KLF12: variants seen among roughly 807,000 people sequenced by gnomAD.
The protein encoded by KLF12 is KLF transcription factor 12, also known as Krueppel-like factor 12.
Under a neutral mutation model 37.8 loss-of-function variants are expected in KLF12, and 9 were observed. That is an observed-to-expected ratio of 0.24 (90% CI 0.14 to 0.42). The LOEUF (loss-of-function observed/expected upper bound fraction) is 0.42. KLF12 is among the 10% of genes least tolerant of loss of function. The pLI is 1.00. For synonymous variants in KLF12, 208 were observed against 202.1 expected, an observed-to-expected ratio of 1.03 and a Z score of -0.25; for missense variants, 411 against 516.0, an observed-to-expected ratio of 0.80 and a Z score of 1.97.
At chr13:73,883,906 C>T (rs1236290140) in intron 3 of KLF12, among the ~76,000 whole-genome samples, 1 of 152,128 alleles carries the variant, frequency 6.6e-6, no homozygotes, top group Admixed American at 6.5e-5. Context: ...CTGCCATGAA[C>T]TCTGATAAAA....
chr13:74,226,533 G>A, the KLF12 span, among the ~76,000 whole-genome samples: 1 of 152,080 alleles, frequency 6.6e-6, no homozygotes, highest in Admixed American at 6.6e-5. Flanking sequence ...GAAAGACAAG[G>A]GATGGAGTTT....
At chr13:74,255,851 T>C in the KLF12 span, among the ~76,000 whole-genome samples, 1 of 152,170 alleles carries the variant, frequency 6.6e-6, no homozygotes, top group Admixed American at 6.5e-5. Flanking sequence ...TGACATCTAC[T>C]ACCTTAAAGA....
intron 1 of KLF12, among the ~76,000 whole-genome samples, chr13:74,066,725 C>G (rs1873938179): frequency 6.6e-6 from 1 of 152,066 alleles, no homozygotes; most frequent in Admixed American, 6.6e-5. Context: ...GAATATATAT[C>G]TCTTCCTGGA....
At position 73,907,044 on chromosome 13, in the gene KLF12, A is replaced by G. The variant is rs571901124; in HGVS notation, c.123+36937T>C. On this transcript the variant is annotated intron_variant, in intron 3 of 7. Transcript: ENST00000377669. ...TTTTGGTAAGGGGGACAGTAGAAGC[A>G]CATTTCTTCTAAGAGATTTTCCACT... is the stretch of plus-strand genomic sequence containing the variant. Among the ~76,000 whole-genome samples, 56 of 152,344 alleles carry G rather than the reference A, an allele frequency of 3.7e-4. 1 individual carries two copies. The South Asian group carries it at 0.011, about 30-fold the overall frequency.
chr13:74,219,131 AT>A, the KLF12 span, among the ~76,000 whole-genome samples: 1 of 151,952 alleles, frequency 6.6e-6, no homozygotes, highest in Non-Finnish European at 1.5e-5. Flanking sequence ...TAATTTGTGT[AT>A]TTTTGTAGAG....
At chr13:73,737,700 C>T (rs994777471) in intron 6 of KLF12, among the ~76,000 whole-genome samples, 3 of 152,066 alleles carry the variant, frequency 2.0e-5, no homozygotes, top group East Asian at 1.9e-4. Flanking sequence ...TTTCTAATCC[C>T]ATGCATGAAT....
chr13:74,027,399 T>C (rs1048519579), intron 1 of KLF12, among the ~76,000 whole-genome samples: 1 of 152,192 alleles, frequency 6.6e-6, no homozygotes. Flanking sequence ...TCAACATGCA[T>C]ACATTTTGTC....
At chr13:74,051,609 A>G (rs565796684) in intron 1 of KLF12, among the ~76,000 whole-genome samples, 157 of 152,200 alleles carry the variant, frequency 1.0e-3, no homozygotes, top group Middle Eastern at 3.4e-3. Context: ...AACAGACTCA[A>G]CCATGTACAT....
rs192242837 is a variant in KLF12 at position 73,806,142 on chromosome 13, C to T, written c.806+7010G>A. Among the ~76,000 whole-genome samples the T allele has an allele frequency of 2.0e-3, 285 of 142,478 alleles. 1 individual carries two copies. Among genetic ancestry groups the T allele is most frequent in the Non-Finnish European group, 3.5e-3 (234 of 66,104 alleles). 93.5% of individuals were successfully genotyped at this position (142,478 alleles called of 152,430 possible). ...TTTTTTTTTTTTTGAGATAAAGTCT[C>T]ACTCTTGTTGCCCAGGCTGGAGTGC... On this transcript the variant is annotated intron_variant, in intron 5 of 7. Coordinates refer to ENST00000377669, the MANE Select transcript of KLF12 (RefSeq NM_007249.5).
At chr13:74,021,407 A>C (rs1362583269) in intron 1 of KLF12, among the ~76,000 whole-genome samples, 1 of 152,166 alleles carries the variant, frequency 6.6e-6, no homozygotes, top group African/African-American at 2.4e-5. Context: ...GTTTTTGAGA[A>C]ACTTTCAGTA....
chr13:73,870,107 C>A (rs1886392389), intron 3 of KLF12, among the ~76,000 whole-genome samples: 1 of 152,188 alleles, frequency 6.6e-6, no homozygotes, highest in Non-Finnish European at 1.5e-5. Flanking sequence ...CTATATCTAA[C>A]ATTGCTTTTC....
chr13:73,856,513 C>T (rs1052242904), intron 3 of KLF12, among the ~76,000 whole-genome samples: 4 of 152,086 alleles, frequency 2.6e-5, no homozygotes, highest in African/African-American at 9.7e-5. Context: ...ATCTTCCTCT[C>T]TTCCTCCCAC....
chr13:74,054,279 A>C (rs1441257036), intron 1 of KLF12, among the ~76,000 whole-genome samples: 2 of 152,202 alleles, frequency 1.3e-5, no homozygotes, highest in Non-Finnish European at 2.9e-5. Flanking sequence ...CTTCAGAATG[A>C]TCATTTAAAT....
At chr13:73,908,542 A>C (rs1028255102) in intron 3 of KLF12, among the ~76,000 whole-genome samples, 2 of 148,598 alleles carry the variant, frequency 1.3e-5, no homozygotes, top group Admixed American at 1.3e-4. Flanking sequence ...GTGTGATGGC[A>C]TGATCTCGGC....
chr13:73,980,623 C>T (rs1216943609), intron 2 of KLF12, among the ~76,000 whole-genome samples: 1 of 152,132 alleles, frequency 6.6e-6, no homozygotes, highest in Non-Finnish European at 1.5e-5. Context: ...TGAATATCTA[C>T]CCCATCATCC....
intron 6 of KLF12, among the ~76,000 whole-genome samples, chr13:73,738,022 A>AACAC (rs930525748): frequency 1.1e-5 from 1 of 92,382 alleles, no homozygotes; most frequent in African/African-American, 7.0e-5. Flanking sequence ...TCATTCAACA[A>AACAC]ACACACACAC....
At chr13:74,083,956 T>C (rs1212273501) in intron 1 of KLF12, among the ~76,000 whole-genome samples, 1 of 152,106 alleles carries the variant, frequency 6.6e-6, no homozygotes, top group Admixed American at 6.6e-5. Flanking sequence ...GAAGAGAGAA[T>C]ACAGTGAGAT....
chr13:73,829,730 C>T (rs963340612), intron 4 of KLF12, among the ~76,000 whole-genome samples: 1 of 148,776 alleles, frequency 6.7e-6, no homozygotes, highest in Non-Finnish European at 1.5e-5. Flanking sequence ...TATGGCTGAG[C>T]TCCCCAGTAT....
Position 74,099,405 on chromosome 13 carries a change from T to C in KLF12, c.-32+34334A>G, listed in dbSNP as rs565767898. Among the ~76,000 whole-genome samples the C allele has an allele frequency of 2.0e-5, 3 of 152,280 alleles. No homozygotes were observed. In the East Asian group the frequency reaches 5.8e-4, roughly 29 times the overall value. On this transcript the variant is annotated intron_variant, in intron 1 of 7. Coordinates refer to ENST00000377669, the MANE Select transcript of KLF12 (RefSeq NM_007249.5). ...TGCCCTACATCAACCTTCACAAGCA[T>C]ATGAACCCTTTACAATATAAATCTC...
Sources: allele counts gnomAD v4.1 joint callset (sites outside exome capture counted in the v4.1 genomes callset), GRCh38; gene constraint gnomAD v4.1.1; transcripts MANE v1.5; gene names NCBI Gene and HGNC (gene_info 2026-07-23, HGNC 2026-07-21).